CNTN5: variants seen among roughly 807,000 people sequenced by gnomAD.
The protein encoded by CNTN5 is contactin-5.
Under a neutral mutation model 129.1 loss-of-function variants are expected in CNTN5, and 77 were observed. That is an observed-to-expected ratio of 0.60 (90% CI 0.50 to 0.72). The LOEUF is 0.72. Among genes scored for constraint, CNTN5 ranks in the 30% least tolerant of loss-of-function variants. The pLI is 0.00. For synonymous variants in CNTN5, 509 were observed against 465.6 expected (o/e 1.09, Z -1.20); for missense variants, 1,478 against 1,328.8 (o/e 1.11, Z -1.75).
intron 2 of CNTN5, among the ~76,000 whole-genome samples, chr11:99,413,032 C>T (rs1942471269): frequency 6.6e-6 from 1 of 152,180 alleles, no homozygotes; most frequent in Admixed American, 6.5e-5. Flanking sequence ...ACCAATGACA[C>T]AGCTTATCTC....
At chr11:99,899,804 G>T (rs1188740844) in intron 6 of CNTN5, among the ~76,000 whole-genome samples, 2 of 151,964 alleles carry the variant, frequency 1.3e-5, no homozygotes, top group African/African-American at 2.4e-5. Context: ...AGTAAGGTTG[G>T]TACCGGCTTT....
chr11:99,614,442 T>C (rs1385209509), intron 3 of CNTN5, among the ~76,000 whole-genome samples: 1 of 152,158 alleles, frequency 6.6e-6, no homozygotes, highest in Non-Finnish European at 1.5e-5. Flanking sequence ...AATAGCTGAC[T>C]TAAGGACTCC....
rs143253746 is a variant in CNTN5 at position 99,131,793 on chromosome 11, G to T, written c.-210+110523G>T. ...AATCAAAAAAAGCCCAGGCCCAGATGGATTTACAGCTGAATTTTACGAGAG... is the reference window on the plus strand; with the variant it reads ...AATCAAAAAAAGCCCAGGCCCAGATTGATTTACAGCTGAATTTTACGAGAG... On this transcript the variant is annotated intron_variant, in intron 1 of 24. Transcript: ENST00000524871. 9.9e-5 allele frequency among the ~76,000 whole-genome samples: 15 copies of T among 152,174 alleles called. 1 individual carries two copies. In the East Asian group the frequency reaches 2.9e-3, roughly 29 times the overall value.
chr11:99,063,416 T>G (rs1033544100), intron 1 of CNTN5, among the ~76,000 whole-genome samples: 1 of 151,998 alleles, frequency 6.6e-6, no homozygotes, highest in Non-Finnish European at 1.5e-5. Context: ...GCTTACTTTG[T>G]GAGTGTTAAG....
At chr11:99,731,581 A>G (rs1388440587) in intron 3 of CNTN5, among the ~76,000 whole-genome samples, 1 of 152,110 alleles carries the variant, frequency 6.6e-6, no homozygotes, top group Non-Finnish European at 1.5e-5. Context: ...TCAGAAATAT[A>G]TTTTTTTAAC....
intron 3 of CNTN5, among the ~76,000 whole-genome samples, chr11:99,737,065 C>G (rs938597662): frequency 1.3e-5 from 2 of 152,046 alleles, no homozygotes. Flanking sequence ...ATAGTCTCCA[C>G]GTTTTGCCCT....
chr11:100,003,120 T>A (rs1190043902), intron 9 of CNTN5, among the ~76,000 whole-genome samples: 1 of 152,140 alleles, frequency 6.6e-6, no homozygotes, highest in Non-Finnish European at 1.5e-5. Flanking sequence ...ACACCGTGTT[T>A]TAATATCAAG....
intron 17 of CNTN5, among the ~76,000 whole-genome samples, chr11:100,266,230 A>G (rs1036986496): frequency 2.6e-5 from 4 of 152,092 alleles, no homozygotes. Flanking sequence ...TTGTCTCAAA[A>G]TAAACAGTCT....
intron 2 of CNTN5, among the ~76,000 whole-genome samples, chr11:99,340,511 A>C (rs531481232): frequency 2.0e-5 from 3 of 152,326 alleles, no homozygotes; most frequent in Admixed American, 2.0e-4. Flanking sequence ...TAGATTATAA[A>C]GACTTAAGGA....
intron 13 of CNTN5, among the ~76,000 whole-genome samples, chr11:100,098,803 A>ATCACATCTG (rs1331583085): frequency 6.6e-6 from 1 of 151,998 alleles, no homozygotes; most frequent in African/African-American, 2.4e-5. Flanking sequence ...CATATCCCTC[A>ATCACATCTG]TCACATCTGT....
At chr11:100,321,281 A>T (rs1591512449) in intron 21 of CNTN5, among the ~76,000 whole-genome samples, 1 of 134,580 alleles carries the variant, frequency 7.4e-6, no homozygotes. Context: ...TGCTTAACTT[A>T]TTCCTAAGTA....
intron 2 of CNTN5, among the ~76,000 whole-genome samples, chr11:99,554,575 T>C (rs1948605565): frequency 6.6e-6 from 1 of 152,090 alleles, no homozygotes; most frequent in African/African-American, 2.4e-5. Context: ...ACATTGTAAA[T>C]AGAGCGAGAA....
chr11:99,281,182 A>G (rs1379781967), intron 1 of CNTN5, among the ~76,000 whole-genome samples: 3 of 151,952 alleles, frequency 2.0e-5, no homozygotes, highest in Non-Finnish European at 2.9e-5. Flanking sequence ...GACAAAGAGA[A>G]AGCAAAGAGA....
At chr11:100,202,959 T>C (rs917919237) in intron 15 of CNTN5, among the ~76,000 whole-genome samples, 10 of 152,046 alleles carry the variant, frequency 6.6e-5, no homozygotes, top group Non-Finnish European at 1.5e-5. Context: ...GAACTAAAAC[T>C]AGCTGTAACT....
intron 15 of CNTN5, among the ~76,000 whole-genome samples, chr11:100,195,958 G>A (rs1422166317): frequency 6.6e-6 from 1 of 151,936 alleles, no homozygotes; most frequent in African/African-American, 2.4e-5. Context: ...GAGGCCTTCT[G>A]GGCTTGTGGA....
intron 9 of CNTN5, among the ~76,000 whole-genome samples, chr11:100,002,552 A>T (rs769034242): frequency 6.6e-6 from 1 of 152,166 alleles, no homozygotes; most frequent in Admixed American, 6.5e-5. Context: ...AATCATGAGG[A>T]TAATAGTTAC....
intron 1 of CNTN5, among the ~76,000 whole-genome samples, chr11:99,034,092 A>G (rs1190927331): frequency 6.6e-6 from 1 of 152,216 alleles, no homozygotes; most frequent in Non-Finnish European, 1.5e-5. Flanking sequence ...TATATATTCA[A>G]CCAGCCTTGC....
intron 1 of CNTN5, among the ~76,000 whole-genome samples, chr11:99,141,805 T>C (rs139438963): frequency 6.6e-6 from 1 of 152,216 alleles, no homozygotes; most frequent in Non-Finnish European, 1.5e-5. Flanking sequence ...TGAATGGTTT[T>C]GAGAAACCCG....
At chr11:99,608,992 C>T (rs1455447059) in intron 3 of CNTN5, among the ~76,000 whole-genome samples, 2 of 152,110 alleles carry the variant, frequency 1.3e-5, no homozygotes, top group African/African-American at 2.4e-5. Flanking sequence ...GATAAATATG[C>T]ACCCCATTTT....
Sources: gnomAD v4.1 joint callset for allele counts (sites outside exome capture counted in the v4.1 genomes callset) on GRCh38, gnomAD v4.1.1 for gene constraint, MANE v1.5 for transcripts, NCBI Gene and HGNC (gene_info 2026-07-23, HGNC 2026-07-21) for gene names.